The following CSGALNACT1 variants were observed in gnomAD, a reference collection of about 807,000 sequenced individuals.
CSGALNACT1 encodes the protein beta4GalNAcT-1.
CSGALNACT1 carries 52 observed loss-of-function variants against 51.0 expected under a neutral mutation model. The observed-to-expected ratio is 1.02, with a 90% CI of 0.82 to 1.29. The LOEUF is 1.29. Ranked by LOEUF, CSGALNACT1 falls within the 50% of genes most tolerant of loss-of-function variation. The pLI is 0.00. For synonymous variants in CSGALNACT1, 341 were observed against 254.4 expected, an observed-to-expected ratio of 1.34 and a Z score of -3.24; for missense variants, 935 against 679.2, an observed-to-expected ratio of 1.38 and a Z score of -4.19.
chr8:19,440,742 A>G (rs2061192267), intron 5 of CSGALNACT1, among the ~76,000 whole-genome samples: 2 of 152,000 alleles, frequency 1.3e-5, no homozygotes, highest in South Asian at 2.1e-4. Flanking sequence ...AGAAGGAAAT[A>G]AAGGGCATTC....
chr8:19,417,132 G>A (rs2057046643), intron 8 of CSGALNACT1, among the ~76,000 whole-genome samples: 1 of 152,158 alleles, frequency 6.6e-6, no homozygotes. Flanking sequence ...TGGCATTAAA[G>A]ACATGAGCCA....
intron 1 of CSGALNACT1, among the ~76,000 whole-genome samples, chr8:19,700,961 T>C (rs775740712): frequency 6.6e-6 from 1 of 152,046 alleles, no homozygotes; most frequent in African/African-American, 2.4e-5. Context: ...GCCAATGAAA[T>C]GTCAGTGGAA....
chr8:19,465,755 G>A (rs1176926324), intron 4 of CSGALNACT1, among the ~76,000 whole-genome samples: 1 of 152,138 alleles, frequency 6.6e-6, no homozygotes, highest in South Asian at 2.1e-4. Context: ...GCATCCCCCT[G>A]TCCAGGCTTA....
chr8:19,540,032 G>A (rs562591032), intron 3 of CSGALNACT1, among the ~76,000 whole-genome samples: 16 of 152,250 alleles, frequency 1.1e-4, no homozygotes, highest in East Asian at 1.9e-4. Context: ...AAGACACAGA[G>A]AGAGTAGCAG....
In CSGALNACT1 at chr8:19,641,322, T is replaced by C. The variant is rs189861862; in HGVS notation, c.-543-39457A>G. ...TCCAGTGATAACAGATGGAAGTTAG[T>C]TGGATAATAAACCAAATCACATCAG... On this transcript the variant is annotated intron_variant, in intron 1 of 9. Transcript: ENST00000332246. 1.3e-4 allele frequency among the ~76,000 whole-genome samples: 20 copies of C among 152,132 alleles called. No homozygotes were observed. In the East Asian group the frequency reaches 3.1e-3, roughly 24 times the overall value.
Position 19,564,256 on chromosome 8 carries a change from T to C in CSGALNACT1, c.-297+26904A>G, listed in dbSNP as rs79749938. 0.012 allele frequency among the ~76,000 whole-genome samples: 1,771 copies of C among 152,276 alleles called. 91 individuals are homozygous for C. In the East Asian group the frequency reaches 0.15, roughly 13 times the overall value. ...ATCTACGTTTTCTACTTTTTCAATA[T>C]CCTGAATTACCCATGCTGGTTTCCT... is the stretch of plus-strand genomic sequence containing the variant. On this transcript the variant is annotated intron_variant, in intron 3 of 9. Coordinates refer to ENST00000454498, the Ensembl canonical transcript of CSGALNACT1.
Position 19,583,818 on chromosome 8 carries a change from G to A in CSGALNACT1, c.-297+7342C>T, listed in dbSNP as rs539747125. On this transcript the variant is annotated intron_variant, in intron 3 of 9. Coordinates refer to ENST00000454498, the Ensembl canonical transcript of CSGALNACT1. The stretch of plus-strand genomic sequence containing the variant: ...CCAACAAAAAAATAATGATTGCTCT[G>A]CAGTAACTGAGCAATTAGAATAATA... Among the ~76,000 whole-genome samples, 5 of 152,208 alleles carry A rather than the reference G, an allele frequency of 3.3e-5. No individual in the cohort carries two copies. The South Asian group carries it at 1.0e-3, about 32-fold the overall frequency.
chr8:19,611,045 G>A (rs1428822197), intron 1 of CSGALNACT1, among the ~76,000 whole-genome samples: 2 of 152,170 alleles, frequency 1.3e-5, no homozygotes, highest in East Asian at 1.9e-4. Context: ...TCCCCCTGTC[G>A]CACGCCCTGC....
At chr8:19,684,506 G>T (rs1427833459), upstream of CSGALNACT1, among the ~76,000 whole-genome samples, 1 of 152,100 alleles carries the variant, frequency 6.6e-6, no homozygotes, top group Non-Finnish European at 1.5e-5. Context: ...TCCTGCTGGG[G>T]TGACTCCCCA....
At chr8:19,685,072 A>G (rs1304617930), upstream of CSGALNACT1, among the ~76,000 whole-genome samples, 1 of 152,224 alleles carries the variant, frequency 6.6e-6, no homozygotes, top group East Asian at 1.9e-4. Flanking sequence ...TAAAGAGCAC[A>G]AACTTTGAAA....
At chr8:19,533,647 G>A (rs1285840337) in intron 3 of CSGALNACT1, among the ~76,000 whole-genome samples, 1 of 152,044 alleles carries the variant, frequency 6.6e-6, no homozygotes, top group Non-Finnish European at 1.5e-5. Context: ...CTAATAGGCT[G>A]TAAGCTCTTT....
chr8:19,582,294 G>A (rs4618713), intron 3 of CSGALNACT1, among the ~76,000 whole-genome samples: 125,684 of 151,868 alleles, frequency 0.83, 52,114 homozygotes, highest in East Asian at 1. Flanking sequence ...GACAAACCTG[G>A]TAAGGAAAAA....
intron 2 of CSGALNACT1, among the ~76,000 whole-genome samples, chr8:19,594,566 T>G (rs1449636471): frequency 6.6e-6 from 1 of 152,136 alleles, no homozygotes; most frequent in African/African-American, 2.4e-5. Flanking sequence ...ATTCCAACTT[T>G]AGGTCGTGAC....
At chr8:19,556,373 A>C (rs1177242443) in intron 3 of CSGALNACT1, among the ~76,000 whole-genome samples, 1 of 136,482 alleles carries the variant, frequency 7.3e-6, no homozygotes, top group Non-Finnish European at 1.5e-5. Flanking sequence ...GTGAAACTCC[A>C]TCTCTCAAAA....
chr8:19,423,035 G>T (rs931577912), intron 6 of CSGALNACT1, among the ~76,000 whole-genome samples: 1 of 152,156 alleles, frequency 6.6e-6, no homozygotes, highest in Non-Finnish European at 1.5e-5. Flanking sequence ...CAATGTATGA[G>T]CAAGTCCTTC....
At chr8:19,710,258 G>A (rs1159864128) in intron 1 of CSGALNACT1, among the ~76,000 whole-genome samples, 1 of 152,156 alleles carries the variant, frequency 6.6e-6, no homozygotes, top group Non-Finnish European at 1.5e-5. Context: ...CTATATATGG[G>A]GAGTGAATAG....
At chr8:19,514,963 G>T (rs2079235105) in intron 3 of CSGALNACT1, among the ~76,000 whole-genome samples, 3 of 152,026 alleles carry the variant, frequency 2.0e-5, no homozygotes, top group Admixed American at 2.0e-4. Context: ...GACCATCCTG[G>T]AGCCCACAGA....
At chr8:19,420,367 T>C (rs753857839) in exon 7 of CSGALNACT1, 8 of 1,614,046 alleles carry the variant, frequency 5.0e-6, no homozygotes, top group South Asian at 3.3e-5. Flanking sequence ...CTACACGTAT[T>C]GAGGAATTCA....
At chr8:19,653,746 C>A (rs147724125) in intron 1 of CSGALNACT1, among the ~76,000 whole-genome samples, 5 of 151,604 alleles carry the variant, frequency 3.3e-5, no homozygotes, top group African/African-American at 9.7e-5. Context: ...ATCGGTGAAC[C>A]GTGATTTTGC....
Sources: allele counts gnomAD v4.1 joint callset (sites outside exome capture counted in the v4.1 genomes callset), GRCh38; gene constraint gnomAD v4.1.1; transcripts MANE v1.5; gene names NCBI Gene and HGNC (gene_info 2026-07-23, HGNC 2026-07-21).